The following HS3ST4 variants were observed in gnomAD, a reference collection of about 807,000 sequenced individuals.
The protein encoded by HS3ST4 is heparan sulfate glucosamine 3-O-sulfotransferase 4.
In HS3ST4, 17 loss-of-function variants were observed where a neutral mutation model predicts 29.2. That is an observed-to-expected ratio of 0.58 (90% CI 0.40 to 0.87). The LOEUF (loss-of-function observed/expected upper bound fraction) is 0.87, where lower values mean the gene tolerates loss of function less well. Among genes scored for constraint, HS3ST4 ranks in the 40% least tolerant of loss-of-function variants. The pLI is 0.00. For synonymous variants in HS3ST4, 314 were observed against 285.7 expected (o/e 1.10, Z -1.00); for missense variants, 627 against 634.5 (o/e 0.99, Z 0.13).
At chr16:26,005,172 C>G (rs1323701796) in intron 1 of HS3ST4, among the ~76,000 whole-genome samples, 1 of 152,130 alleles carries the variant, frequency 6.6e-6, no homozygotes, top group African/African-American at 2.4e-5. Flanking sequence ...TGTCCTAGAG[C>G]TAGCAAAAAT....
intron 1 of HS3ST4, among the ~76,000 whole-genome samples, chr16:25,913,822 C>T (rs58361844): frequency 0.25 from 32,194 of 130,006 alleles, 5,016 homozygotes; most frequent in African/African-American, 0.47. Context: ...TGTGTGTGCA[C>T]GGGGGAGGTG....
chr16:26,057,244 C>G (rs1041664431), intron 1 of HS3ST4, among the ~76,000 whole-genome samples: 2 of 152,172 alleles, frequency 1.3e-5, no homozygotes, highest in Non-Finnish European at 2.9e-5. Flanking sequence ...AACTAAGGCT[C>G]AGGGAGGTTG....
At chr16:25,830,881 A>G (rs1337239118) in intron 1 of HS3ST4, among the ~76,000 whole-genome samples, 1 of 152,090 alleles carries the variant, frequency 6.6e-6, no homozygotes, top group African/African-American at 2.4e-5. Context: ...ACACAGGGAC[A>G]TTTCAGAATG....
chr16:25,702,651 T>C (rs1204082603), intron 1 of HS3ST4, among the ~76,000 whole-genome samples: 1 of 152,196 alleles, frequency 6.6e-6, no homozygotes, highest in Admixed American at 6.5e-5. Context: ...GAAAATATTG[T>C]TTATATAAAC....
intron 1 of HS3ST4, among the ~76,000 whole-genome samples, chr16:26,079,421 C>G (rs1358605000): frequency 6.6e-6 from 1 of 152,210 alleles, no homozygotes. Flanking sequence ...GCTGGCAGGA[C>G]TGCCTGGAAG....
chr16:26,062,261 C>A (rs1256070879), intron 1 of HS3ST4, among the ~76,000 whole-genome samples: 1 of 152,332 alleles, frequency 6.6e-6, no homozygotes, highest in African/African-American at 2.4e-5. Context: ...AGAGCTGGTT[C>A]AACTGGTGGA....
intron 1 of HS3ST4, among the ~76,000 whole-genome samples, chr16:26,057,198 A>T (rs973573160): frequency 3.3e-5 from 5 of 152,346 alleles, no homozygotes; most frequent in African/African-American, 1.2e-4. Flanking sequence ...AGCATTTTGG[A>T]TAAGGGGTAC....
chr16:26,087,513 C>T (rs1898804419), intron 1 of HS3ST4, among the ~76,000 whole-genome samples: 1 of 152,074 alleles, frequency 6.6e-6, no homozygotes, highest in Non-Finnish European at 1.5e-5. Context: ...CCCTCAGCGT[C>T]CAAGCCATCA....
rs531334892 is a variant in HS3ST4 at position 25,818,146 on chromosome 16, C to T, written c.734+124995C>T. Among the ~76,000 whole-genome samples, 142 of 152,312 alleles carry T rather than the reference C, an allele frequency of 9.3e-4. 1 individual carries two copies. The highest frequency in any genetic ancestry group is 3.3e-3 in the African/African-American group (138 of 41,576). On this transcript the variant is annotated intron_variant, in intron 1 of 1. Transcript: ENST00000331351. Reference sequence around the variant, plus strand: ...CTTTGGAAACTGCAAAGCAAATGTTCTATGCTATGGGCTAAAAGTTTGTGT... The same window carrying T: ...CTTTGGAAACTGCAAAGCAAATGTTTTATGCTATGGGCTAAAAGTTTGTGT...
intron 1 of HS3ST4, among the ~76,000 whole-genome samples, chr16:25,857,915 C>CTTTCTTT (rs1567257065): frequency 3.6e-4 from 20 of 55,344 alleles, no homozygotes; most frequent in South Asian, 1.1e-3. Flanking sequence ...TTCCTTCCTT[C>CTTTCTTT]CTTCCTTTCT....
chr16:25,750,010 C>A (rs115358080), intron 1 of HS3ST4, among the ~76,000 whole-genome samples: 308 of 152,308 alleles, frequency 2.0e-3, no homozygotes, highest in African/African-American at 7.2e-3. Flanking sequence ...CTCATATATT[C>A]TGTGGTGGAA....
intron 1 of HS3ST4, among the ~76,000 whole-genome samples, chr16:25,822,544 A>G (rs551233398): frequency 1.3e-5 from 2 of 152,242 alleles, no homozygotes; most frequent in African/African-American, 4.8e-5. Context: ...CCCAGTTGTG[A>G]CAACCAGAAA....
intron 1 of HS3ST4, among the ~76,000 whole-genome samples, chr16:25,968,015 G>A (rs555535768): frequency 6.6e-6 from 1 of 152,166 alleles, no homozygotes; most frequent in African/African-American, 2.4e-5. Flanking sequence ...TATGTGAAGG[G>A]TTGTCATGGG....
At chr16:25,790,910 T>A (rs1249345936) in intron 1 of HS3ST4, among the ~76,000 whole-genome samples, 2 of 152,230 alleles carry the variant, frequency 1.3e-5, no homozygotes, top group African/African-American at 4.8e-5. Context: ...ATAGCCTAGT[T>A]AATCAATATC....
At chr16:25,930,968 C>G (rs1190251375) in intron 1 of HS3ST4, among the ~76,000 whole-genome samples, 3 of 152,038 alleles carry the variant, frequency 2.0e-5, no homozygotes, top group Non-Finnish European at 2.9e-5. Context: ...GAGACGGGGT[C>G]TCACTGTGTT....
At chr16:26,004,409 G>C (rs1969238842) in intron 1 of HS3ST4, among the ~76,000 whole-genome samples, 1 of 152,118 alleles carries the variant, frequency 6.6e-6, no homozygotes, top group African/African-American at 2.4e-5. Flanking sequence ...TTAGCATTTG[G>C]TGGAGAGATT....
At chr16:25,804,145 A>C (rs1040593873) in intron 1 of HS3ST4, among the ~76,000 whole-genome samples, 4 of 152,200 alleles carry the variant, frequency 2.6e-5, no homozygotes, top group African/African-American at 9.7e-5. Context: ...AGACGTGAGA[A>C]TTCGATGTGA....
At chr16:25,920,351 A>T (rs781199828) in intron 1 of HS3ST4, among the ~76,000 whole-genome samples, 10 of 152,082 alleles carry the variant, frequency 6.6e-5, no homozygotes, top group Non-Finnish European at 1.2e-4. Flanking sequence ...TCAAAGCCGT[A>T]CTCATTATCA....
intron 1 of HS3ST4, among the ~76,000 whole-genome samples, chr16:25,760,047 C>G (rs1353666100): frequency 1.3e-5 from 2 of 152,088 alleles, no homozygotes; most frequent in African/African-American, 2.4e-5. Context: ...AATGGCATCT[C>G]CGGGACTTGA....
Sources: gnomAD v4.1 joint callset for allele counts (sites outside exome capture counted in the v4.1 genomes callset) on GRCh38, gnomAD v4.1.1 for gene constraint, MANE v1.5 for transcripts, NCBI Gene and HGNC (gene_info 2026-07-23, HGNC 2026-07-21) for gene names.